CBLN4: variants seen among roughly 807,000 people sequenced by gnomAD.
CBLN4 encodes the protein cerebellin-4.
A neutral mutation model predicts 14.9 loss-of-function variants in CBLN4; 7 were observed. The observed-to-expected ratio is 0.47, with a 90% CI of 0.27 to 0.88. The LOEUF (loss-of-function observed/expected upper bound fraction) is 0.88, where lower values mean the gene tolerates loss of function less well. Among genes scored for constraint, CBLN4 ranks in the 40% least tolerant of loss-of-function variants. The pLI is 0.14. For synonymous variants in CBLN4, 131 were observed against 116.5 expected (o/e 1.12, Z -0.80); for missense variants, 188 against 256.8 (o/e 0.73, Z 1.83).
rs1324380125 is a variant in CBLN4 at position 56,003,992 on chromosome 20, C to T, written c.180G>A (p.Leu60=). Residue 60 remains leucine (L), a synonymous_variant, in exon 1 of 3, where the codon CTG becomes CTA. Transcript: ENST00000064571. ...TDSKGSSSSP[L]GISVRAANSK... ...AGTTGGCCGCCCGGACCGATATCCCCAGCGGGGAGGAAGAGGAGCCCTTGG... is the reference window on the plus strand; with the variant it reads ...AGTTGGCCGCCCGGACCGATATCCCTAGCGGGGAGGAAGAGGAGCCCTTGG... 6.2e-7 allele frequency: 1 copy of T among 1,613,990 alleles called. No individual in the cohort carries two copies. Among genetic ancestry groups the T allele is most frequent in the Non-Finnish European group, 8.5e-7 (1 of 1,180,026 alleles).
Position 55,998,602 on chromosome 20 carries a change from G to A in CBLN4, c.561C>T (p.Gly187=). The A allele has an allele frequency of 6.2e-7, 1 of 1,614,102 alleles. No homozygotes were observed. Among genetic ancestry groups the A allele is most frequent in the Non-Finnish European group, 8.5e-7 (1 of 1,179,976 alleles). Residue 187 remains glycine (G), a synonymous_variant, in exon 3 of 3, where the codon GGC becomes GGT. Transcript: ENST00000064571. Reference sequence around the variant, plus strand: ...AGCCAGAAAACGTGGAATACTGCCAGCCTCCAACCAAATTACCTTTCTCCA... The same window carrying A: ...AGCCAGAAAACGTGGAATACTGCCAACCTCCAACCAAATTACCTTTCTCCA... ...LKLEKGNLVG[G]WQYSTFSGFL...
In CBLN4 at chr20:55,998,691, G is replaced by A. The variant is rs143215775; in HGVS notation, c.472C>T (p.Arg158Cys). 2 of 1,613,968 alleles carry A rather than the reference G, an allele frequency of 1.2e-6. No individual in the cohort carries two copies. The highest frequency in any genetic ancestry group is 8.5e-7 in the Non-Finnish European group (1 of 1,179,984). Residue 158 changes from arginine to cysteine, a missense_variant, in exon 3 of 3, where the codon CGT (arginine) becomes TGT (cysteine). This residue lies in a region of CBLN4 where 93 missense variants were observed against 157.7 expected (regional missense o/e 0.59). Coordinates refer to ENST00000064571, the MANE Select transcript of CBLN4 (RefSeq NM_080617.6). ...SAFAGDKDVT[R>C]EAATNGVLLY... ...AGGACACCATTCGTGGCAGCTTCAC[G>A]AGTAACATCTTTGTCCCCCGCAAAG...
At chr20:56,000,938 C>A in intron 1 of CBLN4, 91 bp from the exon 2 acceptor site, 1 of 522,664 alleles carries the variant, frequency 1.9e-6, no homozygotes, top group Admixed American at 4.0e-5. Flanking sequence ...TTCCTCTCCT[C>A]TTCCTTCTTT....
At chr20:55,999,853 T>A (rs1986341005) in intron 2 of CBLN4, among the ~76,000 whole-genome samples, 1 of 152,178 alleles carries the variant, frequency 6.6e-6, no homozygotes. Context: ...TCCATGGAAG[T>A]AAGTTTGTTT....
At chr20:56,003,277 C>T (rs543122977) in intron 1 of CBLN4, among the ~76,000 whole-genome samples, 1 of 152,332 alleles carries the variant, frequency 6.6e-6, no homozygotes, top group East Asian at 1.9e-4. Flanking sequence ...GCTGCCTACT[C>T]CGAGGCAGCG....
chr20:56,001,818 G>A (rs117018539), intron 1 of CBLN4, among the ~76,000 whole-genome samples: 2,890 of 152,214 alleles, frequency 0.019, 44 homozygotes, highest in Non-Finnish European at 0.029. Flanking sequence ...GACCTCTTAA[G>A]CTAAATTTGC....
chr20:55,999,007 AC>A (rs1466306602), intron 2 of CBLN4, among the ~76,000 whole-genome samples: 1 of 152,122 alleles, frequency 6.6e-6, no homozygotes, highest in African/African-American at 2.4e-5. Context: ...ATGGAGACCA[AC>A]CTAGCCATGT....
chr20:56,001,836 C>CA (rs1986378933), intron 1 of CBLN4, among the ~76,000 whole-genome samples: 1 of 152,108 alleles, frequency 6.6e-6, no homozygotes, highest in South Asian at 2.1e-4. Flanking sequence ...TGCAATGTCA[C>CA]ATGGGTAAGT....
rs1986380512 is a variant in CBLN4 at position 56,001,899 on chromosome 20, A to AGGGTT, written c.292-1057_292-1053dup. ...ATGGAGGATGGATGTTAAAATAACC[A>AGGGTT]GGGTTTGTTCCATTTCTTTCCAAGA... On this transcript the variant is annotated intron_variant, in intron 1 of 2. Coordinates refer to ENST00000064571, the MANE Select transcript of CBLN4 (RefSeq NM_080617.6). Among the ~76,000 whole-genome samples, 5 of 152,298 alleles carry AGGGTT rather than the reference A, an allele frequency of 3.3e-5. No individual in the cohort carries two copies. In the South Asian group the frequency reaches 1.0e-3, roughly 32 times the overall value.
intron 1 of CBLN4, among the ~76,000 whole-genome samples, chr20:56,003,255 G>C (rs890338997): frequency 6.6e-6 from 1 of 152,126 alleles, no homozygotes; most frequent in African/African-American, 2.4e-5. Context: ...TCTAAGTACC[G>C]GAGAAGGGCT....
intron 2 of CBLN4, among the ~76,000 whole-genome samples, chr20:56,000,371 A>T (rs779401208): frequency 2.0e-5 from 3 of 152,248 alleles, no homozygotes; most frequent in African/African-American, 7.2e-5. Flanking sequence ...AAGCTGTACT[A>T]GTCTTACAAG....
At chr20:56,002,969 C>G (rs1986399352) in intron 1 of CBLN4, among the ~76,000 whole-genome samples, 1 of 152,304 alleles carries the variant, frequency 6.6e-6, no homozygotes, top group East Asian at 1.9e-4. Flanking sequence ...ACTCTGAGGA[C>G]AGTTTTCTCC....
At position 55,998,728 on chromosome 20, in the gene CBLN4, T is replaced by C. The variant is rs753941165; in HGVS notation, c.435A>G (p.Pro145=). Residue 145 remains proline (P), a synonymous_variant, in exon 3 of 3, where the codon CCA becomes CCG. Transcript: ENST00000064571. ...IQVNLMLNGK[P]VISAFAGDKD... ...TGTCCCCCGCAAAGGCAGATATTAC[T>C]GGTTTTCCATTTAACATCAAGTTAA... 5.0e-6 allele frequency: 8 copies of C among 1,613,980 alleles called. No individual in the cohort carries two copies. The highest frequency in any genetic ancestry group is 6.8e-6 in the Non-Finnish European group (8 of 1,179,924).
chr20:55,999,337 C>A (rs1432853242), intron 2 of CBLN4, among the ~76,000 whole-genome samples: 1 of 152,156 alleles, frequency 6.6e-6, no homozygotes, highest in East Asian at 1.9e-4. Flanking sequence ...AATCATCAGG[C>A]CAGGCATAGT....
intron 1 of CBLN4, 27 bp from the exon 2 acceptor site, chr20:56,000,874 T>G (rs1986356506): frequency 2.5e-6 from 3 of 1,179,844 alleles, no homozygotes; most frequent in South Asian, 3.4e-5. Flanking sequence ...TAAATAACAA[T>G]AAGTTATTAT....
Position 55,997,973 on chromosome 20 carries a change from G to A in CBLN4, c.*584C>T, listed in dbSNP as rs1307399623. On this transcript the variant is annotated 3_prime_UTR_variant, in exon 3 of 3. Transcript: ENST00000064571. ...CTTTTTTTTTGAGAGAAGTCATGTC[G>A]ATGATATCGTAGTCAAGGTAAATTT... 2.0e-5 allele frequency: 3 copies of A among 151,664 alleles called. No individual in the cohort carries two copies. Among genetic ancestry groups the A allele is most frequent in the African/African-American group, 7.3e-5 (3 of 41,116 alleles). The allele number at this position is 151,664 out of a possible 1,614,324, so 9.4% of individuals were successfully genotyped here. A position where few individuals can be genotyped will look rare whatever the true frequency, so the allele number is the denominator to read the frequency against.
Position 55,998,078 on chromosome 20 carries a change from A to T in CBLN4, c.*479T>A, listed in dbSNP as rs1418622790. The T allele has an allele frequency of 5.9e-5, 9 of 152,894 alleles. No individual in the cohort carries two copies. In the East Asian group the frequency reaches 1.7e-3, roughly 29 times the overall value. The allele number at this position is 152,894 out of a possible 1,614,324, so 9.5% of individuals were successfully genotyped here. A position where few individuals can be genotyped will look rare whatever the true frequency, so the allele number is the denominator to read the frequency against. ...AAAAAAAAAATCCAAGTTTTTTACAAGAACCAAACAAACTAATTCCAAAGG... is the reference window on the plus strand; with the variant it reads ...AAAAAAAAAATCCAAGTTTTTTACATGAACCAAACAAACTAATTCCAAAGG... On this transcript the variant is annotated 3_prime_UTR_variant, in exon 3 of 3. Coordinates refer to ENST00000064571, the MANE Select transcript of CBLN4 (RefSeq NM_080617.6).
At chr20:55,998,892 T>G in intron 2 of CBLN4, 138 bp from the exon 3 acceptor site, 1 of 693,734 alleles carries the variant, frequency 1.4e-6, no homozygotes, top group Non-Finnish European at 2.4e-6. Flanking sequence ...TCCTTTCAAA[T>G]TAGCCAATTG....
intron 1 of CBLN4, among the ~76,000 whole-genome samples, chr20:56,002,026 A>T (rs1431299430): frequency 6.6e-6 from 1 of 152,208 alleles, no homozygotes; most frequent in Non-Finnish European, 1.5e-5. Context: ...CGAACACTGC[A>T]TTCTTGCCAA....
Sources: allele counts gnomAD v4.1 joint callset (sites outside exome capture counted in the v4.1 genomes callset), GRCh38; gene constraint gnomAD v4.1.1; regional missense constraint gnomAD v4.1.1; transcripts MANE v1.5; gene names NCBI Gene and HGNC (gene_info 2026-07-23, HGNC 2026-07-21).